Variants in RBFOX3 observed in about 807,000 individuals in gnomAD.
RBFOX3 encodes the protein RNA binding fox-1 homolog 3.
In RBFOX3, 17 loss-of-function variants were observed where a neutral mutation model predicts 48.7. That is an observed-to-expected ratio of 0.35 (90% CI 0.24 to 0.52). The LOEUF is 0.52. Among genes scored for constraint, RBFOX3 ranks in the 20% least tolerant of loss-of-function variants. The probability of loss-of-function intolerance (pLI) is 0.94; values close to 1 mark genes in which losing one functional copy is unlikely to be tolerated. For missense variants in RBFOX3, 382 were observed against 497.5 expected (o/e 0.77, Z 2.21); for synonymous variants, 212 against 209.5 (o/e 1.01, Z -0.10).
chr17:79,478,477 G>C (rs1369590474), intron 2 of RBFOX3, among the ~76,000 whole-genome samples: 1 of 152,224 alleles, frequency 6.6e-6, no homozygotes, highest in Non-Finnish European at 1.5e-5. Flanking sequence ...CATGCTGTCT[G>C]CATCAGGGCA....
chr17:79,310,789 T>A (rs2076745815), intron 2 of RBFOX3, among the ~76,000 whole-genome samples: 1 of 152,172 alleles, frequency 6.6e-6, no homozygotes, highest in South Asian at 2.1e-4. Flanking sequence ...CCATTTTCCA[T>A]AACACACAGA....
the RBFOX3 span, among the ~76,000 whole-genome samples, chr17:79,657,553 A>G: frequency 6.6e-6 from 1 of 152,268 alleles, no homozygotes; most frequent in East Asian, 1.9e-4. Flanking sequence ...GTGGCAGGCA[A>G]CTGTAGTCCC....
At chr17:79,148,020 G>T (rs989419332) in intron 4 of RBFOX3, among the ~76,000 whole-genome samples, 1 of 152,370 alleles carries the variant, frequency 6.6e-6, no homozygotes, top group Non-Finnish European at 1.5e-5. Context: ...GGGGCCCCGG[G>T]GGGAGGGCGG....
chr17:79,113,576 C>T (rs2032852573), intron 5 of RBFOX3, among the ~76,000 whole-genome samples: 1 of 152,152 alleles, frequency 6.6e-6, no homozygotes. Flanking sequence ...GACACGCTTC[C>T]TGGGAGGCTC....
At chr17:79,496,314 C>T (rs899951224) in intron 1 of RBFOX3, among the ~76,000 whole-genome samples, 1 of 152,084 alleles carries the variant, frequency 6.6e-6, no homozygotes, top group Non-Finnish European at 1.5e-5. Context: ...GGCCCTGAGA[C>T]CTCCATCTCT....
rs893199298 is a variant in RBFOX3, at chr17:79,148,541, A to G, written c.-33-32793T>C. Reference sequence around the variant, plus strand: ...TCCAATCCTGCCTCTGTCCCCGGCCACTGAGTGCCTCCCGAAGGCCACTGA... The same window carrying G: ...TCCAATCCTGCCTCTGTCCCCGGCCGCTGAGTGCCTCCCGAAGGCCACTGA... On this transcript the variant is annotated intron_variant, in intron 4 of 14. Coordinates refer to ENST00000693108, the MANE Select transcript of RBFOX3 (RefSeq NM_001350451.2). Among the ~76,000 whole-genome samples the G allele has an allele frequency of 2.0e-5, 3 of 152,186 alleles. No homozygotes were observed. In the East Asian group the frequency reaches 5.8e-4, roughly 29 times the overall value.
chr17:79,370,450 GCA>G (rs2058365741), intron 2 of RBFOX3, among the ~76,000 whole-genome samples: 1 of 152,000 alleles, frequency 6.6e-6, no homozygotes, highest in Admixed American at 6.5e-5. Context: ...ACCCTGATGT[GCA>G]CAGTCACATA....
At chr17:79,420,944 C>T (rs2066249060) in intron 2 of RBFOX3, among the ~76,000 whole-genome samples, 1 of 152,212 alleles carries the variant, frequency 6.6e-6, no homozygotes, top group African/African-American at 2.4e-5. Flanking sequence ...ATGTACACCT[C>T]CCAAGCCGCC....
At chr17:79,112,047 G>A (rs1400795449) in intron 5 of RBFOX3, among the ~76,000 whole-genome samples, 1 of 152,240 alleles carries the variant, frequency 6.6e-6, no homozygotes, top group Non-Finnish European at 1.5e-5. Context: ...TCCCATCACG[G>A]ATGAGCAGAG....
At chr17:79,600,099 C>T (rs905142709) in intron 1 of RBFOX3, 1 of 152,204 alleles carries the variant, frequency 6.6e-6, no homozygotes, top group African/African-American at 2.4e-5. Flanking sequence ...GCCCAGCTCC[C>T]GGCAGCCTTG....
At position 79,479,074 on chromosome 17, in the gene RBFOX3, C is replaced by T. The variant is rs2078396227; in HGVS notation, c.-175+3380G>A. On this transcript the variant is annotated intron_variant, in intron 2 of 14. Transcript: ENST00000693108. This position sits in a 1 kb window ranked among gnomAD's most constrained non-coding sequence, Gnocchi z 5.1. The stretch of plus-strand genomic sequence containing the variant: ...CATTCCTGAATCAGAAAGGCCAGCC[C>T]GCCTCACTGGGGCAAAAGCTCCTGC... Among the ~76,000 whole-genome samples, 2 of 152,194 alleles carry T rather than the reference C, an allele frequency of 1.3e-5. No homozygotes were observed. Among genetic ancestry groups the T allele is most frequent in the East Asian group, 1.9e-4 (1 of 5,184 alleles).
chr17:79,334,602 C>T (rs2080904364), intron 2 of RBFOX3, among the ~76,000 whole-genome samples: 1 of 152,046 alleles, frequency 6.6e-6, no homozygotes, highest in Non-Finnish European at 1.5e-5. Flanking sequence ...AGTTTGCAAC[C>T]ATTTCAGGAG....
intron 4 of RBFOX3, among the ~76,000 whole-genome samples, chr17:79,163,008 G>C (rs748360615): frequency 7.9e-5 from 12 of 152,224 alleles, no homozygotes; most frequent in Non-Finnish European, 1.6e-4. Context: ...CCTGAGCACA[G>C]ACACGCCAGG....
chr17:79,451,404 T>A (rs6501306), intron 2 of RBFOX3, among the ~76,000 whole-genome samples: 150,629 of 152,298 alleles, frequency 0.99, 74,510 homozygotes, highest in Middle Eastern at 1. Flanking sequence ...GAAGACAAGC[T>A]TGTCAACATC....
chr17:79,105,367 G>A (rs1411844888), intron 6 of RBFOX3, among the ~76,000 whole-genome samples: 12 of 152,092 alleles, frequency 7.9e-5, no homozygotes, highest in Admixed American at 4.6e-4. Context: ...TGGTGTCCCC[G>A]TCCTGCAGGG....
chr17:79,468,493 TGATA>T (rs1302942726), intron 2 of RBFOX3, among the ~76,000 whole-genome samples: 2 of 151,990 alleles, frequency 1.3e-5, no homozygotes, highest in African/African-American at 2.4e-5. Flanking sequence ...CACACATGGA[TGATA>T]GATAGATGCA....
intron 4 of RBFOX3, among the ~76,000 whole-genome samples, chr17:79,228,718 T>C (rs1260587013): frequency 6.6e-6 from 1 of 152,152 alleles, no homozygotes; most frequent in African/African-American, 2.4e-5. Flanking sequence ...GAAATAGCCG[T>C]GAGTTTGGGT....
chr17:79,472,127 C>G (rs1351064581), intron 2 of RBFOX3, among the ~76,000 whole-genome samples: 1 of 152,134 alleles, frequency 6.6e-6, no homozygotes, highest in Non-Finnish European at 1.5e-5. Flanking sequence ...TGGGGGTGGG[C>G]TCTGGGTCAT....
At chr17:79,149,158 G>C (rs1376501189) in intron 4 of RBFOX3, among the ~76,000 whole-genome samples, 1 of 152,222 alleles carries the variant, frequency 6.6e-6, no homozygotes, top group Non-Finnish European at 1.5e-5. Context: ...CTGCCTGCCA[G>C]GAAAATGCGA....
Sources: gnomAD v4.1 joint callset for allele counts (sites outside exome capture counted in the v4.1 genomes callset) on GRCh38, gnomAD v4.1.1 for gene constraint, Gnocchi (gnomAD v3.1) non-coding constraint, MANE v1.5 for transcripts, NCBI Gene and HGNC (gene_info 2026-07-23, HGNC 2026-07-21) for gene names.